Variants in ANPEP observed in about 807,000 individuals in gnomAD.
The protein encoded by ANPEP is alanyl aminopeptidase, membrane.
Under a neutral mutation model 114.6 loss-of-function variants are expected in ANPEP, and 70 were observed. The ratio of observed to expected loss-of-function variants is 0.61; its 90% CI spans 0.50 to 0.75. The LOEUF is 0.75. Ranked by LOEUF, ANPEP falls within the 30% of genes least tolerant of loss-of-function variation. The pLI is 0.00. For missense variants in ANPEP, 1,184 were observed against 1,259.5 expected, an observed-to-expected ratio of 0.94 and a Z score of 0.91; for synonymous variants, 548 against 522.3, an observed-to-expected ratio of 1.05 and a Z score of -0.67.
intron 15 of ANPEP, among the ~76,000 whole-genome samples, chr15:89,794,041 A>C (rs1968683080): frequency 6.6e-6 from 1 of 152,210 alleles, no homozygotes; most frequent in African/African-American, 2.4e-5. Context: ...CAGGAGAGGC[A>C]ACAGCGGATG....
intron 1 of ANPEP, among the ~76,000 whole-genome samples, chr15:89,807,973 G>A (rs560652998): frequency 4.6e-5 from 7 of 152,144 alleles, no homozygotes; most frequent in Non-Finnish European, 5.9e-5. Context: ...ACACAGCAGC[G>A]CCCCTATGGA....
intron 20 of ANPEP, among the ~76,000 whole-genome samples, chr15:89,787,123 G>A (rs1567152860): frequency 2.2e-5 from 3 of 136,496 alleles, no homozygotes; most frequent in South Asian, 4.5e-4. Context: ...TCAGCTCACT[G>A]CAAACTCCGC....
chr15:89,795,088 A>T (rs1968703738), intron 15 of ANPEP, among the ~76,000 whole-genome samples: 3 of 116,232 alleles, frequency 2.6e-5, no homozygotes, highest in Non-Finnish European at 3.6e-5. Flanking sequence ...AAACGAGTCA[A>T]TGGAAAAAAA....
chr15:89,789,422 T>C (rs768407231), intron 20 of ANPEP, among the ~76,000 whole-genome samples: 2 of 152,160 alleles, frequency 1.3e-5, no homozygotes, highest in Non-Finnish European at 2.9e-5. Context: ...GGGTATATGA[T>C]AGTAAGAAGA....
chr15:89,805,149 A>G lies in ANPEP; in HGVS notation c.826T>C (p.Ser276Pro). 1 of 1,614,228 alleles carries G rather than the reference A, an allele frequency of 6.2e-7. No individual in the cohort carries two copies. The highest frequency in any genetic ancestry group is 8.5e-7 in the Non-Finnish European group (1 of 1,180,042). Reference sequence around the variant, plus strand: ...ACAATGAAGGCCAGCAAGTACGTGGACATCTTGGGCGTGGTGTGGAACTCA... The same window carrying G: ...ACAATGAAGGCCAGCAAGTACGTGGGCATCTTGGGCGTGGTGTGGAACTCA... Reference protein sequence around the residue: ...VTEFHTTPKMSTYLLAFIVSE... With the variant: ...VTEFHTTPKMPTYLLAFIVSE... The change falls in exon 4 of 21, where the codon TCC becomes CCC. Residue 276 changes from serine to proline, a missense_variant. By Grantham distance (74) the Ser-to-Pro change is moderately conservative. Coordinates refer to ENST00000300060, the MANE Select transcript of ANPEP (RefSeq NM_001150.3).
In ANPEP at chr15:89,801,620, C is replaced by A; in HGVS notation, c.1570-13G>T. On this transcript the variant is annotated splice_polypyrimidine_tract_variant and intron_variant, in intron 10 of 20. Coordinates refer to ENST00000300060, the MANE Select transcript of ANPEP (RefSeq NM_001150.3). Reference sequence around the variant, plus strand: ...GGTTGTTCACAGCCTGTGGGTGGAGCGAGAGGGCGTGGCCATCAGTGGGAC... The same window carrying A: ...GGTTGTTCACAGCCTGTGGGTGGAGAGAGAGGGCGTGGCCATCAGTGGGAC... 1 of 1,611,204 alleles carries A rather than the reference C, an allele frequency of 6.2e-7. No homozygotes were observed. Among genetic ancestry groups the A allele is most frequent in the Non-Finnish European group, 8.5e-7 (1 of 1,178,218 alleles).
Position 89,803,829 on chromosome 15 carries a change from A to G in ANPEP, c.1294-39T>C. On this transcript the variant is annotated intron_variant, in intron 7 of 20. Transcript: ENST00000300060. The surrounding 1 kb of genome is among the most constrained non-coding windows in gnomAD (Gnocchi z 4.2). The stretch of plus-strand genomic sequence containing the variant: ...AGGGCCATCAGGAGACTGGCCTGGT[A>G]GCGGTGGCCCAGGTCTCCCTCCATG... The G allele has an allele frequency of 1.9e-6, 3 of 1,612,240 alleles. No individual in the cohort carries two copies. The highest frequency in any genetic ancestry group is 2.5e-6 in the Non-Finnish European group (3 of 1,178,632).
rs188693215 is a variant in ANPEP, at chr15:89,792,396, C to T, written c.2360+56G>A. ...GGGTGGGACAGGGTTCTGCTGAGGA[C>T]GGGGCTGTTGGGGGCAGATGAAGAC... On this transcript the variant is annotated intron_variant, in intron 17 of 20. Coordinates refer to ENST00000300060, the MANE Select transcript of ANPEP (RefSeq NM_001150.3). 54 of 1,612,464 alleles carry T rather than the reference C, an allele frequency of 3.3e-5. No homozygotes were observed. The East Asian group carries it at 9.1e-4, about 27-fold the overall frequency.
intron 1 of ANPEP, among the ~76,000 whole-genome samples, chr15:89,812,442 G>C (rs1210280047): frequency 6.6e-6 from 1 of 152,228 alleles, no homozygotes; most frequent in Non-Finnish European, 1.5e-5. Context: ...CATCACCCCA[G>C]GGTGCTTCCT....
chr15:89,796,844 T>G (rs1475131433), intron 15 of ANPEP, among the ~76,000 whole-genome samples: 3 of 152,194 alleles, frequency 2.0e-5, no homozygotes, highest in Non-Finnish European at 2.9e-5. Context: ...CAAGCATGAT[T>G]TAATGACTAC....
chr15:89,805,028 C>A, intron 4 of ANPEP, 50 bp downstream of exon 4: 1 of 1,611,440 alleles, frequency 6.2e-7, no homozygotes, highest in Non-Finnish European at 8.5e-7. Context: ...GGGAAGACCC[C>A]TCAAGCCGGG....
At chr15:89,809,198 G>A (rs769631624) in intron 1 of ANPEP, among the ~76,000 whole-genome samples, 87 of 152,220 alleles carry the variant, frequency 5.7e-4, no homozygotes, top group Non-Finnish European at 4.4e-5. Context: ...CGCCAAGGGA[G>A]CCCATCTTTA....
At chr15:89,789,850 C>T (rs1418982002) in intron 20 of ANPEP, among the ~76,000 whole-genome samples, 2 of 149,412 alleles carry the variant, frequency 1.3e-5, no homozygotes, top group African/African-American at 5.0e-5. Flanking sequence ...GCAGGCAGAT[C>T]ATGAGGTCAG....
Position 89,797,811 on chromosome 15 carries a change from C to T in ANPEP, c.2010-89G>A. The stretch of plus-strand genomic sequence containing the variant: ...CCCAACCCAGGCCCTCAAAGATGCT[C>T]CACACCCCTAGGCCCCCTGTATCCA... On this transcript the variant is annotated intron_variant, in intron 14 of 20. Transcript: ENST00000300060. The T allele has an allele frequency of 7.0e-6, 11 of 1,562,442 alleles. No homozygotes were observed. The South Asian group carries it at 1.2e-4, about 18-fold the overall frequency.
At position 89,799,581 on chromosome 15, in the gene ANPEP, G is replaced by C; in HGVS notation, c.1820-22C>G. On this transcript the variant is annotated intron_variant, in intron 12 of 20. Coordinates refer to ENST00000300060, the MANE Select transcript of ANPEP (RefSeq NM_001150.3). The surrounding 1 kb of genome is among the most constrained non-coding windows in gnomAD (Gnocchi z 4.2). Reference sequence around the variant, plus strand: ...TGGGCTGTGGAGAGGGACGAGACCTGGGCAGGGCTGCTCAGAGGCCATGGG... The same window carrying C: ...TGGGCTGTGGAGAGGGACGAGACCTCGGCAGGGCTGCTCAGAGGCCATGGG... 1 of 1,614,060 alleles carries C rather than the reference G, an allele frequency of 6.2e-7. No individual in the cohort carries two copies. Among genetic ancestry groups the C allele is most frequent in the South Asian group, 1.1e-5 (1 of 91,086 alleles).
chr15:89,798,287 T>C (rs1968768109), intron 14 of ANPEP, among the ~76,000 whole-genome samples: 1 of 152,204 alleles, frequency 6.6e-6, no homozygotes, highest in African/African-American at 2.4e-5. Flanking sequence ...TCCTGCCCTG[T>C]CCAGCCCAGA....
chr15:89,785,549 C>T, intron 20 of ANPEP, 48 bp from the exon 21 acceptor site: 1 of 1,421,118 alleles, frequency 7.0e-7, no homozygotes, highest in Non-Finnish European at 9.8e-7. Context: ...CCCTAACAGC[C>T]TTGAGGAGGA....
At position 89,786,391 on chromosome 15, in the gene ANPEP, T is replaced by A. The variant is rs982370760; in HGVS notation, c.2752-890A>T. Among the ~76,000 whole-genome samples the A allele has an allele frequency of 2.7e-5, 4 of 150,614 alleles. No homozygotes were observed. The East Asian group carries it at 5.8e-4, about 22-fold the overall frequency. On this transcript the variant is annotated intron_variant, in intron 20 of 20. Transcript: ENST00000300060. Reference sequence around the variant, plus strand: ...TCCCATCAAAATTTTAACTACTTTTTTTTTTTTTTTTTTGCGGAAATTGAT... The same window carrying A: ...TCCCATCAAAATTTTAACTACTTTTATTTTTTTTTTTTTGCGGAAATTGAT...
Position 89,806,348 on chromosome 15 carries a change from G to A in ANPEP, c.236C>T (p.Thr79Met), listed in dbSNP as rs144915494. The stretch of plus-strand genomic sequence containing the variant: ...CACCCGGTAGGAATCGGGTTTCAGC[G>A]TGTTGGGGAGGCGGTAACGATTCCA... The part of the protein sequence containing the change: ...KAWNRYRLPN[T>M]LKPDSYRVTL... The change falls in exon 2 of 21, where the codon ACG (threonine) becomes ATG (methionine). Residue 79 changes from threonine to methionine, a missense_variant. Coordinates refer to ENST00000300060, the MANE Select transcript of ANPEP (RefSeq NM_001150.3). The surrounding 1 kb of genome is among the most constrained non-coding windows in gnomAD (Gnocchi z 5.7). 7.1e-5 allele frequency: 115 copies of A among 1,614,164 alleles called. No individual in the cohort carries two copies. Among genetic ancestry groups the A allele is most frequent in the African/African-American group, 4.4e-4 (33 of 75,040 alleles).
Sources: gnomAD v4.1 joint callset for allele counts (sites outside exome capture counted in the v4.1 genomes callset) on GRCh38, gnomAD v4.1.1 for gene constraint, Gnocchi (gnomAD v3.1) non-coding constraint, MANE v1.5 for transcripts, NCBI Gene and HGNC (gene_info 2026-07-23, HGNC 2026-07-21) for gene names.